CSMD1: variants seen among roughly 807,000 people sequenced by gnomAD.
CSMD1 encodes CUB and sushi domain-containing protein 1.
In CSMD1, 213 loss-of-function variants were observed where a neutral mutation model predicts 417.5. That is an observed-to-expected ratio of 0.51 (90% CI 0.46 to 0.57). The LOEUF is 0.57. CSMD1 is among the 20% of genes least tolerant of loss of function. The pLI is 0.00. For synonymous variants in CSMD1, 2,862 were observed against 1,736.8 expected (o/e 1.65, Z -16.11); for missense variants, 6,923 against 4,529.7 (o/e 1.53, Z -15.17).
At chr8:4,620,417 A>T (rs2616975) in intron 2 of CSMD1, among the ~76,000 whole-genome samples, 4 of 151,194 alleles carry the variant, frequency 2.6e-5, no homozygotes, top group African/African-American at 9.7e-5. Flanking sequence ...AAATAATTTG[A>T]CCAGAGTCTA....
At chr8:4,762,391 C>T (rs909882313) in intron 1 of CSMD1, among the ~76,000 whole-genome samples, 1 of 152,026 alleles carries the variant, frequency 6.6e-6, no homozygotes, top group African/African-American at 2.4e-5. Context: ...TCCATTTTAT[C>T]GGTATTCTGA....
At chr8:3,806,185 C>G (rs931616326) in intron 5 of CSMD1, among the ~76,000 whole-genome samples, 6 of 152,246 alleles carry the variant, frequency 3.9e-5, no homozygotes, top group East Asian at 1.9e-4. Flanking sequence ...CTTGGGTCGT[C>G]CATTCAAACG....
At chr8:3,923,904 G>C (rs893379019) in intron 5 of CSMD1, among the ~76,000 whole-genome samples, 4 of 151,992 alleles carry the variant, frequency 2.6e-5, no homozygotes, top group African/African-American at 4.8e-5. Context: ...AAAATATATT[G>C]TCCTTTAAAT....
At chr8:4,093,320 T>G (rs1218522308) in intron 3 of CSMD1, among the ~76,000 whole-genome samples, 3 of 152,210 alleles carry the variant, frequency 2.0e-5, no homozygotes, top group African/African-American at 7.2e-5. Flanking sequence ...AGGTTTTAAT[T>G]TCCATGAAGT....
intron 1 of CSMD1, among the ~76,000 whole-genome samples, chr8:4,707,519 C>A (rs964109076): frequency 6.6e-6 from 1 of 152,080 alleles, no homozygotes; most frequent in African/African-American, 2.4e-5. Flanking sequence ...AGTCCGTGAA[C>A]AGTTAAATGG....
At chr8:3,603,990 A>C (rs1310281906) in intron 8 of CSMD1, among the ~76,000 whole-genome samples, 1 of 152,226 alleles carries the variant, frequency 6.6e-6, no homozygotes, top group African/African-American at 2.4e-5. Context: ...AATTTTGCAT[A>C]CTGAATCAAT....
At chr8:4,348,755 G>C (rs1338388028) in intron 3 of CSMD1, among the ~76,000 whole-genome samples, 3 of 152,120 alleles carry the variant, frequency 2.0e-5, no homozygotes, top group Non-Finnish European at 2.9e-5. Flanking sequence ...AGTTAAAATT[G>C]TAGAAAATAA....
chr8:4,475,867 G>T (rs866580870), intron 2 of CSMD1, among the ~76,000 whole-genome samples: 2 of 151,932 alleles, frequency 1.3e-5, no homozygotes, highest in Non-Finnish European at 2.9e-5. Context: ...CCTGCCTTAC[G>T]CTCCGAAAGT....
Position 3,363,332 on chromosome 8 carries a change from T to C in CSMD1, c.3115+3700A>G, listed in dbSNP as rs149756509. Among the ~76,000 whole-genome samples the C allele has an allele frequency of 2.8e-4, 42 of 152,174 alleles. No individual in the cohort carries two copies. The East Asian group carries it at 6.8e-3, about 25-fold the overall frequency. On this transcript the variant is annotated intron_variant, in intron 20 of 69. Coordinates refer to ENST00000635120, the MANE Select transcript of CSMD1 (RefSeq NM_033225.6). ...TCATGGTACCATTGAAGGAGACAAA[T>C]ACAGAAAAGTCATTATGGGAAAGGA... is the stretch of plus-strand genomic sequence containing the variant.
At position 3,077,791 on chromosome 8, in the gene CSMD1, G is replaced by A. The variant is rs778088469; in HGVS notation, c.7474+9306C>T. Among the ~76,000 whole-genome samples the A allele has an allele frequency of 2.2e-4, 33 of 152,170 alleles. 1 individual carries two copies. Among genetic ancestry groups the A allele is most frequent in the Non-Finnish European group, 4.3e-4 (29 of 68,042 alleles). ...GTCACTTTCACAGGTAGAGGCTGCC[G>A]CTGTGCCTCTTCAATGAAAGACCAT... On this transcript the variant is annotated intron_variant, in intron 49 of 69. Coordinates refer to ENST00000635120, the MANE Select transcript of CSMD1 (RefSeq NM_033225.6).
At chr8:3,732,561 C>T (rs746869431) in intron 6 of CSMD1, among the ~76,000 whole-genome samples, 2 of 152,184 alleles carry the variant, frequency 1.3e-5, no homozygotes, top group Non-Finnish European at 2.9e-5. Flanking sequence ...CTACTAAACA[C>T]CCTGACTTTA....
intron 3 of CSMD1, among the ~76,000 whole-genome samples, chr8:4,084,842 G>C (rs768032791): frequency 6.8e-6 from 1 of 146,790 alleles, no homozygotes; most frequent in Non-Finnish European, 1.5e-5. Context: ...GTTCCATCTT[G>C]AAGAAGAATG....
At chr8:3,229,230 C>T (rs1236154165) in intron 27 of CSMD1, among the ~76,000 whole-genome samples, 1 of 152,094 alleles carries the variant, frequency 6.6e-6, no homozygotes. Context: ...CTTCACACAT[C>T]AATTAAATTT....
intron 40 of CSMD1, among the ~76,000 whole-genome samples, chr8:3,145,225 C>T (rs1312019556): frequency 6.6e-6 from 1 of 152,142 alleles, no homozygotes; most frequent in African/African-American, 2.4e-5. Flanking sequence ...TGCTGAATTG[C>T]TGGCACTTCT....
chr8:3,253,376 G>T (rs1800414683), intron 26 of CSMD1, among the ~76,000 whole-genome samples: 1 of 152,022 alleles, frequency 6.6e-6, no homozygotes, highest in South Asian at 2.1e-4. Flanking sequence ...TGGTTTGATT[G>T]CACTGTGGTC....
chr8:4,897,224 T>A (rs1043722483), intron 1 of CSMD1, among the ~76,000 whole-genome samples: 29 of 152,082 alleles, frequency 1.9e-4, no homozygotes, highest in African/African-American at 5.8e-4. Flanking sequence ...ACACGTCTGT[T>A]TTGTTTCTAC....
chr8:4,961,064 C>G (rs1204174001), intron 1 of CSMD1, among the ~76,000 whole-genome samples: 1 of 152,108 alleles, frequency 6.6e-6, no homozygotes, highest in African/African-American at 2.4e-5. Context: ...AGTCACTACA[C>G]TTTGGAGTAA....
chr8:4,403,507 C>A (rs759630612), intron 3 of CSMD1, among the ~76,000 whole-genome samples: 2 of 152,174 alleles, frequency 1.3e-5, no homozygotes, highest in Non-Finnish European at 2.9e-5. Flanking sequence ...AATCACCTCT[C>A]CTCATCAGTC....
intron 52 of CSMD1, among the ~76,000 whole-genome samples, chr8:3,012,807 T>C (rs189346129): frequency 6.6e-6 from 1 of 152,316 alleles, no homozygotes; most frequent in Non-Finnish European, 1.5e-5. Flanking sequence ...GCCTGCTTCA[T>C]ATGATTGGCT....
Sources: gnomAD v4.1 joint callset for allele counts (sites outside exome capture counted in the v4.1 genomes callset) on GRCh38, gnomAD v4.1.1 for gene constraint, MANE v1.5 for transcripts, NCBI Gene and HGNC (gene_info 2026-07-23, HGNC 2026-07-21) for gene names.